SYF2: variants seen among roughly 807,000 people sequenced by gnomAD.
SYF2 encodes the protein SYF2 pre-mRNA splicing factor.
A neutral mutation model predicts 32.7 loss-of-function variants in SYF2; 21 were observed. That is an observed-to-expected ratio of 0.64 (90% CI 0.45 to 0.92). SYF2 has a LOEUF of 0.92. SYF2 is among the 40% of genes least tolerant of loss of function. SYF2 has a pLI of 0.00. For missense variants in SYF2, 278 were observed against 296.5 expected (o/e 0.94, Z 0.46); for synonymous variants, 114 against 103.9 (o/e 1.10, Z -0.59).
Position 25,224,259 on chromosome 1 carries a change from CT to C in SYF2, c.566+742del, listed in dbSNP as rs921218037. 8.1e-4 allele frequency among the ~76,000 whole-genome samples: 120 copies of C among 147,950 alleles called. 1 individual carries two copies. The highest frequency in any genetic ancestry group is 2.8e-3 in the Admixed American group (41 of 14,820). On this transcript the variant is annotated intron_variant, in intron 6 of 6. Transcript: ENST00000236273. ...CTGAGCACATAATATGTGCCAGACACTTTTTTTTTTTCCTGAGACAGGGTCT... is the reference window on the plus strand; with the variant it reads ...CTGAGCACATAATATGTGCCAGACACTTTTTTTTTTCCTGAGACAGGGTCT...
chr1:25,226,879 G>A (rs1401191070), intron 5 of SYF2, among the ~76,000 whole-genome samples: 10 of 152,204 alleles, frequency 6.6e-5, no homozygotes, highest in Middle Eastern at 3.4e-3. Context: ...TACTGGGGAG[G>A]CTGATGTGGG....
rs1638425537 is a variant in SYF2, at chr1:25,222,371, T to C, written c.*895A>G. On this transcript the variant is annotated 3_prime_UTR_variant, in exon 7 of 7. Coordinates refer to ENST00000236273, the MANE Select transcript of SYF2 (RefSeq NM_015484.5). ...AAATCTATTGCAGTGATAATAGTAT[T>C]GTGGTCATTTAAGTCTTTATCTTTC... 6.6e-6 allele frequency among the ~76,000 whole-genome samples: 1 copy of C among 152,120 alleles called. No individual in the cohort carries two copies. Among genetic ancestry groups the C allele is most frequent in the African/African-American group, 2.4e-5 (1 of 41,428 alleles).
chr1:25,229,117 C>T lies in SYF2; in HGVS notation c.139G>A (p.Ala47Thr), dbSNP rs1233724523. ...ACTTCCTGGTGATTTAATTTACGAG[C>T]TTCATTCTAAAACCGTAACACAAGA... Reference protein sequence around the residue: ...FRELHLMRNEARKLNHQEVVE... With the variant: ...FRELHLMRNETRKLNHQEVVE... The change falls in exon 3 of 7, where the codon GCT becomes ACT. Residue 47 changes from alanine (A) to threonine (T), a missense_variant. Coordinates refer to ENST00000236273, the MANE Select transcript of SYF2 (RefSeq NM_015484.5). 6.2e-7 allele frequency: 1 copy of T among 1,611,444 alleles called. No individual in the cohort carries two copies. Among genetic ancestry groups the T allele is most frequent in the Non-Finnish European group, 8.5e-7 (1 of 1,179,410 alleles).
At chr1:25,228,479 C>A (rs904180213) in intron 3 of SYF2, among the ~76,000 whole-genome samples, 3 of 152,146 alleles carry the variant, frequency 2.0e-5, no homozygotes, top group African/African-American at 4.8e-5. Context: ...GGACTACAGG[C>A]ACATGCCACC....
chr1:25,227,651 A>C, intron 4 of SYF2, 119 bp from the exon 5 acceptor site: 1 of 861,282 alleles, frequency 1.2e-6, no homozygotes, highest in Non-Finnish European at 1.7e-6. Flanking sequence ...TGGAATCGGA[A>C]GTGTTTCTGA....
At chr1:25,226,663 G>A (rs953494601) in intron 5 of SYF2, among the ~76,000 whole-genome samples, 2 of 152,206 alleles carry the variant, frequency 1.3e-5, no homozygotes, top group Non-Finnish European at 2.9e-5. Context: ...TTTAATAGCT[G>A]TGAAGTAAGC....
At chr1:25,227,135 T>C (rs1638528081) in intron 5 of SYF2, among the ~76,000 whole-genome samples, 1 of 151,910 alleles carries the variant, frequency 6.6e-6, no homozygotes, top group African/African-American at 2.4e-5. Context: ...CTACAAAAAT[T>C]AGTTGGGCGT....
At chr1:25,227,598 A>G (rs1638539051) in intron 4 of SYF2, 66 bp from the exon 5 acceptor site, 1 of 1,409,090 alleles carries the variant, frequency 7.1e-7, no homozygotes, top group Non-Finnish European at 9.8e-7. Context: ...ATTGAGAGAA[A>G]AATCTAAATT....
intron 6 of SYF2, among the ~76,000 whole-genome samples, chr1:25,224,751 TA>T (rs1019565935): frequency 6.6e-6 from 1 of 152,194 alleles, no homozygotes; most frequent in Non-Finnish European, 1.5e-5. Context: ...TCATTTTTTT[TA>T]GACCTTTCCC....
At chr1:25,230,819 ATTT>A (rs756377994) in intron 2 of SYF2, 12 of 129,350 alleles carry the variant, frequency 9.3e-5, no homozygotes, top group East Asian at 4.3e-4. Context: ...GGTATCTTAG[ATTT>A]TTTTTTTTTT....
intron 5 of SYF2, among the ~76,000 whole-genome samples, chr1:25,227,055 G>A (rs1638526403): frequency 6.6e-6 from 1 of 152,100 alleles, no homozygotes. Context: ...GGCTGAGGTG[G>A]ACGGATCACT....
intron 5 of SYF2, among the ~76,000 whole-genome samples, chr1:25,225,842 T>C (rs1014723462): frequency 3.0e-5 from 4 of 131,240 alleles, no homozygotes; most frequent in Admixed American, 3.0e-4. Flanking sequence ...CAGGCGACAG[T>C]GCAAGACTCT....
At chr1:25,226,878 G>A (rs1638519659) in intron 5 of SYF2, among the ~76,000 whole-genome samples, 1 of 152,074 alleles carries the variant, frequency 6.6e-6, no homozygotes, top group Admixed American at 6.6e-5. Flanking sequence ...CTACTGGGGA[G>A]GCTGATGTGG....
rs148757370 is a variant in SYF2 at position 25,223,522 on chromosome 1, G to GA, written c.567-92dup. 1.3e-3 allele frequency: 1,682 copies of GA among 1,318,544 alleles called. 22 individuals are homozygous for GA. The East Asian group carries it at 0.026, about 21-fold the overall frequency. 81.7% of individuals were successfully genotyped at this position (1,318,544 alleles called of 1,614,324 possible). ...CCAAACAGGAATATAATCACGTTTA[G>GA]AATAGCACATGTTGTGAGGGCTAGA... On this transcript the variant is annotated intron_variant, in intron 6 of 6. Coordinates refer to ENST00000236273, the MANE Select transcript of SYF2 (RefSeq NM_015484.5).
intron 3 of SYF2, 129 bp from the exon 4 acceptor site, chr1:25,228,364 T>C: frequency 1.3e-6 from 1 of 797,168 alleles, no homozygotes; most frequent in Non-Finnish European, 2.0e-6. Flanking sequence ...GGAGTTTCAC[T>C]CACTCTGTCA....
intron 3 of SYF2, among the ~76,000 whole-genome samples, chr1:25,228,706 G>C (rs1006162967): frequency 2.6e-5 from 4 of 152,118 alleles, no homozygotes; most frequent in African/African-American, 9.7e-5. Context: ...TACTTATTGA[G>C]TGTTTATCAG....
rs751212519 is a variant in SYF2, at chr1:25,232,168, G to A, written c.68C>T (p.Ala23Val). 6.2e-7 allele frequency: 1 copy of A among 1,613,834 alleles called. No individual in the cohort carries two copies. Residue 23 changes from alanine to valine, a missense_variant, in exon 2 of 7, where the codon GCG becomes GTG. Ala to Val is a moderately conservative substitution (Grantham distance 64). Coordinates refer to ENST00000236273, the MANE Select transcript of SYF2 (RefSeq NM_015484.5). ...SAEEGSLAAAAELAAQKREQR... is the reference protein window; with the variant it reads ...SAEEGSLAAAVELAAQKREQR... ...TTCGCGCTTCTGAGCGGCCAGCTCC[G>A]CCGCCGCAGCGAGGGACCCCTCCTC... is the stretch of plus-strand genomic sequence containing the variant.
chr1:25,228,930 A>G, intron 3 of SYF2, 68 bp downstream of exon 3: 1 of 1,548,064 alleles, frequency 6.5e-7, no homozygotes, highest in East Asian at 2.3e-5. Flanking sequence ...TACAACCACC[A>G]TGTTGTAGTG....
chr1:25,228,783 T>C (rs1638568407), intron 3 of SYF2, among the ~76,000 whole-genome samples: 1 of 152,198 alleles, frequency 6.6e-6, no homozygotes, highest in South Asian at 2.1e-4. Context: ...ACTCAAATAA[T>C]TATTGTTACA....
Sources: gnomAD v4.1 joint callset for allele counts (sites outside exome capture counted in the v4.1 genomes callset) on GRCh38, gnomAD v4.1.1 for gene constraint, MANE v1.5 for transcripts, NCBI Gene and HGNC (gene_info 2026-07-23, HGNC 2026-07-21) for gene names.